ZFP42: variants seen among roughly 807,000 people sequenced by gnomAD.
The protein encoded by ZFP42 is zinc finger protein 42 homolog.
For synonymous variants in ZFP42, 175 were observed against 144.6 expected (o/e 1.21, Z -1.51); for missense variants, 438 against 377.1 (o/e 1.16, Z -1.34).
At chr4:188,002,591 G>A in intron 3 of ZFP42, 122 bp from the exon 4 acceptor site, 2 of 564,032 alleles carry the variant, frequency 3.5e-6, no homozygotes, top group Non-Finnish European at 6.4e-6. Flanking sequence ...CTCATTCTTG[G>A]TCTCTTGGTT....
At chr4:188,000,046 A>G (rs77348820) in intron 3 of ZFP42, among the ~76,000 whole-genome samples, 3,353 of 152,298 alleles carry the variant, frequency 0.022, 113 homozygotes, top group African/African-American at 0.075. Context: ...TTTTTATCCA[A>G]AGTGCTTGGG....
chr4:187,997,224 T>A (rs71607972), intron 1 of ZFP42, among the ~76,000 whole-genome samples: 1 of 121,996 alleles, frequency 8.2e-6, no homozygotes, highest in Non-Finnish European at 1.6e-5. Context: ...TCCCCTCTCA[T>A]ATTCTTTTTT....
At chr4:188,000,645 A>G (rs1336687241) in intron 3 of ZFP42, among the ~76,000 whole-genome samples, 6 of 152,124 alleles carry the variant, frequency 3.9e-5, no homozygotes, top group Admixed American at 2.6e-4. Flanking sequence ...AAGGGCTGGC[A>G]TTACAGGCAC....
In ZFP42 at chr4:188,003,843, C is replaced by T. The variant is rs1368832479; in HGVS notation, c.*103C>T. On this transcript the variant is annotated 3_prime_UTR_variant, in exon 4 of 4. Coordinates refer to ENST00000326866, the MANE Select transcript of ZFP42 (RefSeq NM_174900.5). The stretch of plus-strand genomic sequence containing the variant: ...GGAATTTCTAAATCAATATTGCAAC[C>T]CCAAAAGCGGTTATAATTTGGTGTT... 19 of 1,231,082 alleles carry T rather than the reference C, an allele frequency of 1.5e-5. No individual in the cohort carries two copies. In the South Asian group the frequency reaches 1.8e-4, roughly 11 times the overall value. 76.3% of individuals were successfully genotyped at this position (1,231,082 alleles called of 1,614,324 possible).
rs201760570 is a variant in ZFP42 at position 188,003,916 on chromosome 4, A to ATT, written c.*184_*185dup. 13 of 551,918 alleles carry ATT rather than the reference A, an allele frequency of 2.4e-5. No individual in the cohort carries two copies. The highest frequency in any genetic ancestry group is 8.3e-5 in the South Asian group (2 of 24,024). The allele number at this position is 551,918 out of a possible 1,614,324, so 34.2% of individuals were successfully genotyped here. A position where few individuals can be genotyped will look rare whatever the true frequency, so the allele number is the denominator to read the frequency against. On this transcript the variant is annotated 3_prime_UTR_variant, in exon 4 of 4. Coordinates refer to ENST00000326866, the MANE Select transcript of ZFP42 (RefSeq NM_174900.5). ...TGATACCGTTTTAAGGACATGGTGC[A>ATT]TTTTTTTTTCTTTTATTTGTTTTAT...
Position 187,995,795 on chromosome 4 carries a change from G to C in ZFP42, c.-384G>C, listed in dbSNP as rs1320309217. On this transcript the variant is annotated 5_prime_UTR_variant, in exon 1 of 4. Transcript: ENST00000326866. ...CAGTTTCTCCTTTGTTTTACGTTTG[G>C]GAGGAGGTGGCATTGGAAATAGCAG... 6.6e-6 allele frequency: 1 copy of C among 152,378 alleles called. No homozygotes were observed. Among genetic ancestry groups the C allele is most frequent in the Non-Finnish European group, 1.5e-5 (1 of 68,154 alleles). The allele number at this position is 152,378 out of a possible 1,614,324, so 9.4% of individuals were successfully genotyped here. A position where few individuals can be genotyped will look rare whatever the true frequency, so the allele number is the denominator to read the frequency against.
chr4:187,996,170 CTAAG>C (rs1733552820), intron 1 of ZFP42, among the ~76,000 whole-genome samples: 1 of 120,148 alleles, frequency 8.3e-6, no homozygotes, highest in Non-Finnish European at 1.7e-5. Flanking sequence ...CAATATCTGG[CTAAG>C]TCTTTTCTAT....
chr4:188,003,431 T>G lies in ZFP42; in HGVS notation c.624T>G (p.His208Gln). 1.9e-6 allele frequency: 3 copies of G among 1,614,092 alleles called. No individual in the cohort carries two copies. Among genetic ancestry groups the G allele is most frequent in the Non-Finnish European group, 2.5e-6 (3 of 1,180,020 alleles). ...KLRNRAALRK[H>Q]LLIHGPRDHV... ...GGAATAGAGCTGCCCTGAGAAAGCA[T>G]CTCCTCATTCATGGTCCCCGAGACC... The change falls in exon 4 of 4, where the codon CAT (histidine) becomes CAG (glutamine). Residue 208 changes from histidine (H) to glutamine (Q), a missense_variant. Transcript: ENST00000326866.
chr4:188,002,410 T>C (rs1025915560), intron 3 of ZFP42, among the ~76,000 whole-genome samples: 1 of 152,196 alleles, frequency 6.6e-6, no homozygotes, highest in Non-Finnish European at 1.5e-5. Context: ...CATGGAGGCA[T>C]AGATGTTTGT....
In ZFP42 at chr4:188,003,396, A is replaced by G. The variant is rs1733921064; in HGVS notation, c.589A>G (p.Arg197Gly). 1.2e-6 allele frequency: 2 copies of G among 1,614,026 alleles called. No individual in the cohort carries two copies. The highest frequency in any genetic ancestry group is 1.7e-6 in the Non-Finnish European group (2 of 1,180,034). Residue 197 changes from arginine to glycine, a missense_variant, in exon 4 of 4, where the codon AGG (arginine) becomes GGG (glycine). By Grantham distance (125) the Arg-to-Gly change is moderately radical. Transcript: ENST00000326866. ...AIACPQSGCT[R>G]KLRNRAALRK... ...CGCTTGTCCTCAGAGTGGATGCACTAGGAAGTTGAGGAATAGAGCTGCCCT... is the reference window on the plus strand; with the variant it reads ...CGCTTGTCCTCAGAGTGGATGCACTGGGAAGTTGAGGAATAGAGCTGCCCT...
intron 1 of ZFP42, among the ~76,000 whole-genome samples, chr4:187,997,727 A>G (rs1733657321): frequency 1.3e-5 from 2 of 152,200 alleles, no homozygotes; most frequent in South Asian, 4.2e-4. Context: ...TATGTTTTCC[A>G]TGTACAGTCA....
In ZFP42 at chr4:188,003,215, T is replaced by TG; in HGVS notation, c.410dup (p.Glu138ArgfsTer5). ...AGAAAGAGCTTCCACAAAAGATAGT[T>TG]GGAGAGAATTCGCTTGAGTATTCTG... On this transcript the variant is annotated frameshift_variant, in exon 4 of 4. Transcript: ENST00000326866. LOFTEE classifies it low-confidence loss of function (END_TRUNC). 1 of 1,613,872 alleles carries TG rather than the reference T, an allele frequency of 6.2e-7. No individual in the cohort carries two copies. The highest frequency in any genetic ancestry group is 8.5e-7 in the Non-Finnish European group (1 of 1,179,996).
At chr4:187,999,728 T>C (rs1256923228) in intron 3 of ZFP42, 43 bp downstream of exon 3, 1 of 152,164 alleles carries the variant, frequency 6.6e-6, no homozygotes, top group East Asian at 1.9e-4. Context: ...CTCTGATCAG[T>C]GTGAAATAGG....
chr4:188,003,876 T>C lies in ZFP42; in HGVS notation c.*136T>C, dbSNP rs75550862. On this transcript the variant is annotated 3_prime_UTR_variant, in exon 4 of 4. Transcript: ENST00000326866. ...CGGTTATAATTTGGTGTTACTAAGA[T>C]GCTCCTACACTTTGTGATACCGTTT... 9.2e-4 allele frequency: 790 copies of C among 863,252 alleles called. 1 individual carries two copies. In the African/African-American group the frequency reaches 0.012, roughly 13 times the overall value. The allele number at this position is 863,252 out of a possible 1,614,324, so 53.5% of individuals were successfully genotyped here. A position where few individuals can be genotyped will look rare whatever the true frequency, so the allele number is the denominator to read the frequency against.
In ZFP42 at chr4:188,002,917, A is replaced by G. The variant is rs1484561360; in HGVS notation, c.110A>G (p.Gln37Arg). The G allele has an allele frequency of 1.9e-6, 3 of 1,614,086 alleles. No individual in the cohort carries two copies. Among genetic ancestry groups the G allele is most frequent in the Non-Finnish European group, 2.5e-6 (3 of 1,180,038 alleles). ...PRQGKSSQDL[Q>R]AEIEPVSAVW... Reference sequence around the variant, plus strand: ...CAAGGCAAGTCAAGCCAAGACCTGCAGGCGGAAATAGAACCTGTCAGCGCG... The same window carrying G: ...CAAGGCAAGTCAAGCCAAGACCTGCGGGCGGAAATAGAACCTGTCAGCGCG... Residue 37 changes from glutamine (Q) to arginine (R), a missense_variant, in exon 4 of 4, where the codon CAG becomes CGG. By Grantham distance (43) the Gln-to-Arg change is conservative. Coordinates refer to ENST00000326866, the MANE Select transcript of ZFP42 (RefSeq NM_174900.5).
chr4:188,002,868 G>T lies in ZFP42; in HGVS notation c.61G>T (p.Ala21Ser). The T allele has an allele frequency of 6.2e-7, 1 of 1,614,220 alleles. No individual in the cohort carries two copies. Among genetic ancestry groups the T allele is most frequent in the Non-Finnish European group, 8.5e-7 (1 of 1,180,034 alleles). The change falls in exon 4 of 4, where the codon GCC becomes TCC. Residue 21 changes from alanine (A) to serine (S), a missense_variant. Transcript: ENST00000326866. Reference protein sequence around the residue: ...TRHQKGLGGRAPSGAKPRQGK... With the variant: ...TRHQKGLGGRSPSGAKPRQGK... ...ACACCAGAAAGGCCTGGGTGGAAGA[G>T]CCCCCAGTGGGGCTAAGCCCAGGCA... is the stretch of plus-strand genomic sequence containing the variant.
At chr4:187,997,831 A>G (rs1733660312) in intron 1 of ZFP42, among the ~76,000 whole-genome samples, 1 of 152,196 alleles carries the variant, frequency 6.6e-6, no homozygotes, top group African/African-American at 2.4e-5. Flanking sequence ...CCCATGGCCT[A>G]GTGACATCTT....
chr4:187,999,873 G>T (rs910471443), intron 3 of ZFP42, among the ~76,000 whole-genome samples, 188 bp downstream of exon 3: 1 of 152,184 alleles, frequency 6.6e-6, no homozygotes, highest in Non-Finnish European at 1.5e-5. Context: ...AGGATAGGTG[G>T]TATTTTAGTG....
At chr4:188,000,821 A>T (rs984922529) in intron 3 of ZFP42, among the ~76,000 whole-genome samples, 9 of 152,042 alleles carry the variant, frequency 5.9e-5, no homozygotes, top group Admixed American at 5.2e-4. Context: ...GTATCTACTA[A>T]AAAATAACAC....
Sources: allele counts gnomAD v4.1 joint callset (sites outside exome capture counted in the v4.1 genomes callset), GRCh38; gene constraint gnomAD v4.1.1; transcripts MANE v1.5; gene names NCBI Gene and HGNC (gene_info 2026-07-23, HGNC 2026-07-21).